Variants in RHBDD1 observed in about 807,000 individuals in gnomAD.
The protein encoded by RHBDD1 is rhomboid-related protein 4.
In RHBDD1, 38 loss-of-function variants were observed where a neutral mutation model predicts 36.3. The ratio of observed to expected loss-of-function variants is 1.05; its 90% CI spans 0.81 to 1.37. The LOEUF (loss-of-function observed/expected upper bound fraction) is 1.37. Among genes scored for constraint, RHBDD1 ranks in the 40% most tolerant of loss-of-function variants. The pLI, the probability that RHBDD1 is intolerant of heterozygous loss-of-function variation, is 0.00. For synonymous variants in RHBDD1, 151 were observed against 136.5 expected, an observed-to-expected ratio of 1.11 and a Z score of -0.74; for missense variants, 393 against 377.6, an observed-to-expected ratio of 1.04 and a Z score of -0.34.
chr2:226,961,757 T>TA (rs1305178097), intron 8 of RHBDD1, among the ~76,000 whole-genome samples: 1 of 152,190 alleles, frequency 6.6e-6, no homozygotes, highest in African/African-American at 2.4e-5. Flanking sequence ...ATGAAAACAG[T>TA]AACAGCTGGT....
chr2:226,851,106 C>G (rs1418750367), intron 3 of RHBDD1, among the ~76,000 whole-genome samples: 1 of 152,072 alleles, frequency 6.6e-6, no homozygotes, highest in Admixed American at 6.6e-5. Flanking sequence ...GGAAGATGGT[C>G]AGTATGTTAT....
the RHBDD1 span, among the ~76,000 whole-genome samples, chr2:226,815,115 C>T: frequency 4.4e-4 from 67 of 152,204 alleles, no homozygotes; most frequent in Non-Finnish European, 8.1e-4. Context: ...CCATCCAACA[C>T]CATTCTTTTA....
intron 8 of RHBDD1, among the ~76,000 whole-genome samples, chr2:226,954,706 C>A (rs571987497): frequency 9.3e-4 from 142 of 151,994 alleles, no homozygotes; most frequent in African/African-American, 3.3e-3. Context: ...ATTTGGAGGC[C>A]ATGCTATGAA....
At chr2:226,941,083 A>G (rs919030327) in intron 8 of RHBDD1, among the ~76,000 whole-genome samples, 2 of 151,834 alleles carry the variant, frequency 1.3e-5, no homozygotes, top group Non-Finnish European at 2.9e-5. Flanking sequence ...AGTAGCTGGG[A>G]TTACAGGCAT....
At chr2:226,900,157 G>A (rs1947469344) in intron 5 of RHBDD1, among the ~76,000 whole-genome samples, 2 of 152,120 alleles carry the variant, frequency 1.3e-5, no homozygotes, top group South Asian at 4.1e-4. Context: ...TCTGAAGACA[G>A]GCTTGTTGGC....
At chr2:226,895,580 C>A in intron 5 of RHBDD1, 1 of 682,726 alleles carries the variant, frequency 1.5e-6, no homozygotes, top group Non-Finnish European at 1.8e-6. Flanking sequence ...TTAAGGGAGT[C>A]GGGGGAGATT....
intron 5 of RHBDD1, among the ~76,000 whole-genome samples, chr2:226,891,234 TC>T (rs1946656166): frequency 6.6e-6 from 1 of 152,132 alleles, no homozygotes; most frequent in Non-Finnish European, 1.5e-5. Context: ...CAATGCCAGC[TC>T]CTGTGGTTGT....
intron 5 of RHBDD1, among the ~76,000 whole-genome samples, chr2:226,882,093 T>G (rs961845567): frequency 1.3e-5 from 2 of 152,196 alleles, no homozygotes; most frequent in Non-Finnish European, 2.9e-5. Flanking sequence ...AGATTTATCA[T>G]ACATCATAGC....
At chr2:226,848,552 C>T (rs552353224) in intron 3 of RHBDD1, among the ~76,000 whole-genome samples, 14 of 152,098 alleles carry the variant, frequency 9.2e-5, no homozygotes, top group African/African-American at 3.1e-4. Flanking sequence ...TTTCTTAGGT[C>T]CCTCAGATAA....
chr2:226,859,255 G>C (rs1211957955), intron 3 of RHBDD1, among the ~76,000 whole-genome samples: 1 of 152,196 alleles, frequency 6.6e-6, no homozygotes, highest in Admixed American at 6.5e-5. Context: ...TGGCGGGAGT[G>C]GGGTGGGAAA....
chr2:226,804,858 C>G, the RHBDD1 span: 1 of 152,108 alleles, frequency 6.6e-6, no homozygotes, highest in African/African-American at 2.4e-5. Flanking sequence ...TGATATTTGT[C>G]TAAAAAACTT....
chr2:226,986,034 A>T (rs1956864130), intron 8 of RHBDD1, among the ~76,000 whole-genome samples: 1 of 152,262 alleles, frequency 6.6e-6, no homozygotes, highest in Admixed American at 6.5e-5. Context: ...CAGCACGTTG[A>T]TATGTGATGA....
intron 8 of RHBDD1, among the ~76,000 whole-genome samples, chr2:226,955,532 T>C (rs1951730172): frequency 6.6e-6 from 1 of 152,234 alleles, no homozygotes. Flanking sequence ...CCTCCCATCT[T>C]GGTTTTGCTG....
intron 6 of RHBDD1, among the ~76,000 whole-genome samples, chr2:226,907,511 G>A (rs555357965): frequency 6.6e-6 from 1 of 151,760 alleles, no homozygotes; most frequent in Admixed American, 6.6e-5. Context: ...TGACTTGTAA[G>A]AAAACTGGTT....
upstream of RHBDD1, among the ~76,000 whole-genome samples, chr2:226,834,915 ACAGGCG>A (rs1465832286): frequency 6.6e-6 from 1 of 152,076 alleles, no homozygotes; most frequent in African/African-American, 2.4e-5. Flanking sequence ...AGCCGGGATT[ACAGGCG>A]CCCGCAACCA....
intron 8 of RHBDD1, among the ~76,000 whole-genome samples, chr2:226,968,822 A>G (rs1952893332): frequency 6.6e-6 from 1 of 152,238 alleles, no homozygotes; most frequent in Non-Finnish European, 1.5e-5. Context: ...AGTTGTTGCT[A>G]TGTGGCTTTT....
chr2:226,945,301 C>A (rs1194499290), intron 8 of RHBDD1, among the ~76,000 whole-genome samples: 1 of 151,918 alleles, frequency 6.6e-6, no homozygotes, highest in African/African-American at 2.4e-5. Flanking sequence ...TAATGGTATC[C>A]CTCCCCTAGC....
intron 8 of RHBDD1, among the ~76,000 whole-genome samples, chr2:226,927,802 T>C (rs928142202): frequency 6.6e-6 from 1 of 152,106 alleles, no homozygotes; most frequent in Non-Finnish European, 1.5e-5. Flanking sequence ...TTGGATTGTT[T>C]GTTTTCTTAT....
chr2:226,834,901 G>A (rs866898691), upstream of RHBDD1, among the ~76,000 whole-genome samples: 11 of 152,188 alleles, frequency 7.2e-5, no homozygotes, highest in African/African-American at 2.2e-4. Flanking sequence ...TCAGCCTCCC[G>A]AGTAGCCGGG....
Sources: gnomAD v4.1 joint callset for allele counts (sites outside exome capture counted in the v4.1 genomes callset) on GRCh38, gnomAD v4.1.1 for gene constraint, MANE v1.5 for transcripts, NCBI Gene and HGNC (gene_info 2026-07-23, HGNC 2026-07-21) for gene names.